CPOX: variants seen among roughly 807,000 people sequenced by gnomAD.
CPOX encodes coproporphyrinogen oxidase, also known as oxygen-dependent coproporphyrinogen-III oxidase, mitochondrial.
A neutral mutation model predicts 48.9 loss-of-function variants in CPOX; 24 were observed. The ratio of observed to expected loss-of-function variants is 0.49; its 90% CI spans 0.36 to 0.69. CPOX has a LOEUF of 0.69. Ranked by LOEUF, CPOX falls within the 30% of genes least tolerant of loss-of-function variation. The pLI is 0.00. For missense variants in CPOX, 549 were observed against 597.3 expected (o/e 0.92, Z 0.84); for synonymous variants, 249 against 234.6 (o/e 1.06, Z -0.56).
At chr3:98,584,266 C>T (rs185473750) in intron 5 of CPOX, among the ~76,000 whole-genome samples, 192 of 152,200 alleles carry the variant, frequency 1.3e-3, no homozygotes, top group African/African-American at 4.3e-3. Context: ...TTTGGCAGGT[C>T]CATGTTACAG....
the CPOX span, among the ~76,000 whole-genome samples, chr3:98,572,771 T>C: frequency 6.6e-6 from 1 of 152,216 alleles, no homozygotes; most frequent in Admixed American, 6.5e-5. Flanking sequence ...CCAAGCTTTA[T>C]GGTCATTATA....
rs1370893697 is a variant in CPOX, at chr3:98,588,909, G to A, written c.812-55C>T. ...TGGACTTTTGAGATTCAGCATTACT[G>A]GCTATATTAGGACACTTAATTTAGC... is the stretch of plus-strand genomic sequence containing the variant. On this transcript the variant is annotated intron_variant, in intron 3 of 6. Coordinates refer to ENST00000647941, the MANE Select transcript of CPOX (RefSeq NM_000097.7). 8.8e-6 allele frequency: 14 copies of A among 1,588,184 alleles called. No homozygotes were observed. The Admixed American group carries it at 2.0e-4, about 23-fold the overall frequency.
At chr3:98,588,937 C>A in intron 3 of CPOX, 83 bp from the exon 4 acceptor site, 1 of 1,507,854 alleles carries the variant, frequency 6.6e-7, no homozygotes, top group Non-Finnish European at 9.2e-7. Flanking sequence ...AATTTAGCAG[C>A]TTAATTTTTT....
chr3:98,578,756 C>G (rs1707197635), downstream of CPOX, among the ~76,000 whole-genome samples: 1 of 152,174 alleles, frequency 6.6e-6, no homozygotes, highest in African/African-American at 2.4e-5. Flanking sequence ...ATGTTACTGT[C>G]ATTAGCAATA....
chr3:98,572,270 CTCT>C, the CPOX span, among the ~76,000 whole-genome samples: 1 of 152,048 alleles, frequency 6.6e-6, no homozygotes, highest in African/African-American at 2.4e-5. Context: ...ATTTTAAGTA[CTCT>C]TCTTTTTCTT....
intron 6 of CPOX, 105 bp downstream of exon 6, chr3:98,581,302 T>C (rs1276653944): frequency 1.2e-6 from 1 of 858,852 alleles, no homozygotes; most frequent in East Asian, 2.5e-5. Flanking sequence ...AAGTCAAAAC[T>C]AACAAAGACC....
At chr3:98,591,265 T>C in intron 1 of CPOX, 110 bp from the exon 2 acceptor site, 9 of 1,149,926 alleles carry the variant, frequency 7.8e-6, no homozygotes, top group Non-Finnish European at 1.0e-5. Context: ...TTTATATCAG[T>C]GTATTTATCA....
chr3:98,577,137 G>A (rs1358680737), downstream of CPOX, among the ~76,000 whole-genome samples: 1 of 151,976 alleles, frequency 6.6e-6, no homozygotes, highest in Non-Finnish European at 1.5e-5. Flanking sequence ...AGGCCAGAGG[G>A]GATATAATTT....
chr3:98,576,663 T>C (rs1707166264), downstream of CPOX, among the ~76,000 whole-genome samples: 1 of 152,240 alleles, frequency 6.6e-6, no homozygotes, highest in South Asian at 2.1e-4. Flanking sequence ...GGAAGAAAGA[T>C]GAAATTTTAA....
chr3:98,588,926 T>A, intron 3 of CPOX, 72 bp from the exon 4 acceptor site: 1 of 1,544,698 alleles, frequency 6.5e-7, no homozygotes, highest in Non-Finnish European at 8.9e-7. Context: ...TTAGGACACT[T>A]AATTTAGCAG....
intron 5 of CPOX, among the ~76,000 whole-genome samples, chr3:98,581,991 A>G (rs1339696975): frequency 2.0e-5 from 3 of 152,216 alleles, no homozygotes; most frequent in Non-Finnish European, 4.4e-5. Context: ...ACAGCTAACA[A>G]TAATCTATTA....
chr3:98,592,570 G>A (rs1400315022), intron 1 of CPOX, among the ~76,000 whole-genome samples: 1 of 152,048 alleles, frequency 6.6e-6, no homozygotes, highest in East Asian at 1.9e-4. Flanking sequence ...AGGAAAAAGG[G>A]CAAATTCACC....
chr3:98,579,097 G>A (rs147046145), downstream of CPOX, among the ~76,000 whole-genome samples: 2 of 152,158 alleles, frequency 1.3e-5, no homozygotes, highest in Non-Finnish European at 2.9e-5. Context: ...AAAACAATGA[G>A]GATGAAGACC....
Position 98,581,481 on chromosome 3 carries a change from C to A in CPOX, c.1203G>T (p.Arg401=). 1 of 1,613,846 alleles carries A rather than the reference C, an allele frequency of 6.2e-7. No individual in the cohort carries two copies. The highest frequency in any genetic ancestry group is 1.3e-5 in the African/African-American group (1 of 74,990). ...GAGTGAAGAGGCCAAACTTTGTGCC[C>A]CGATCATACAGCAGATTAAATTCTA... ...RYVEFNLLYD[R]GTKFGLFTPG... is the part of the protein sequence containing the mutation. The change falls in exon 6 of 7, where the codon CGG becomes CGT. Residue 401 remains arginine, a synonymous_variant. Transcript: ENST00000647941.
chr3:98,574,969 G>A (rs943454599), downstream of CPOX, among the ~76,000 whole-genome samples: 4 of 152,132 alleles, frequency 2.6e-5, no homozygotes, highest in Non-Finnish European at 5.9e-5. Context: ...AAGAAATTGT[G>A]GATTTGTATA....
In CPOX at chr3:98,579,635, T is replaced by A; in HGVS notation, c.*1048A>T. On this transcript the variant is annotated 3_prime_UTR_variant, in exon 7 of 7. Transcript: ENST00000647941. The stretch of plus-strand genomic sequence containing the variant: ...AGCAAATAAAATAATACATTCATAA[T>A]ATATGAACAAAGAAATCATACATTA... 1.1e-5 allele frequency: 11 copies of A among 983,554 alleles called. No individual in the cohort carries two copies. The highest frequency in any genetic ancestry group is 1.3e-5 in the Non-Finnish European group (11 of 828,214). 60.9% of individuals were successfully genotyped at this position (983,554 alleles called of 1,614,324 possible). A position where few individuals can be genotyped will look rare whatever the true frequency, so the allele number is the denominator to read the frequency against.
chr3:98,575,028 C>G (rs1018851259), downstream of CPOX, among the ~76,000 whole-genome samples: 1 of 152,198 alleles, frequency 6.6e-6, no homozygotes, highest in African/African-American at 2.4e-5. Context: ...GGAACAGATT[C>G]TAAAAGCCTG....
At chr3:98,588,680 T>C in intron 4 of CPOX, 33 bp downstream of exon 4, 1 of 1,612,942 alleles carries the variant, frequency 6.2e-7, no homozygotes, top group Non-Finnish European at 8.5e-7. Context: ...GAATGTAATT[T>C]TGGGGTCATG....
Position 98,580,604 on chromosome 3 carries a change from A to G in CPOX, c.*79T>C. 6.2e-7 allele frequency: 1 copy of G among 1,607,702 alleles called. No homozygotes were observed. Among genetic ancestry groups the G allele is most frequent in the Admixed American group, 1.7e-5 (1 of 59,282 alleles). On this transcript the variant is annotated 3_prime_UTR_variant, in exon 7 of 7. Transcript: ENST00000647941. ...ACTAAGGCACGGGTAACTGCCACAC[A>G]GTGGCAAAGTGCCGACCAGTGGCAT...
Sources: allele counts gnomAD v4.1 joint callset (sites outside exome capture counted in the v4.1 genomes callset), GRCh38; gene constraint gnomAD v4.1.1; transcripts MANE v1.5; gene names NCBI Gene and HGNC (gene_info 2026-07-23, HGNC 2026-07-21).